The following LPIN2 variants were observed in gnomAD, a reference collection of about 807,000 sequenced individuals.
The protein encoded by LPIN2 is phosphatidate phosphatase LPIN2.
Under a neutral mutation model 111.4 loss-of-function variants are expected in LPIN2, and 55 were observed. The observed-to-expected ratio is 0.49, with a 90% CI of 0.40 to 0.62. The LOEUF is 0.62. LPIN2 is among the 20% of genes least tolerant of loss of function. The pLI is 0.00. For synonymous variants in LPIN2, 425 were observed against 414.0 expected, an observed-to-expected ratio of 1.03 and a Z score of -0.32; for missense variants, 992 against 1,112.1, an observed-to-expected ratio of 0.89 and a Z score of 1.54.
chr18:2,927,521 C>T (rs1396492693), intron 12 of LPIN2, among the ~76,000 whole-genome samples: 3 of 152,152 alleles, frequency 2.0e-5, no homozygotes, highest in Admixed American at 1.3e-4. Flanking sequence ...AATGGCAACT[C>T]GAACATCTCT....
At chr18:2,952,861 G>A (rs2077557754) in intron 3 of LPIN2, among the ~76,000 whole-genome samples, 1 of 152,176 alleles carries the variant, frequency 6.6e-6, no homozygotes, top group African/African-American at 2.4e-5. Flanking sequence ...GGAATACTGT[G>A]CAGCTATTAA....
intron 8 of LPIN2, 27 bp from the exon 9 acceptor site, chr18:2,931,470 G>A: frequency 6.4e-7 from 1 of 1,551,490 alleles, no homozygotes; most frequent in East Asian, 2.4e-5. Context: ...GGGAAAAGAT[G>A]TGCTTTATTA....
At chr18:2,968,703 G>A (rs991118523) in intron 1 of LPIN2, among the ~76,000 whole-genome samples, 2 of 152,156 alleles carry the variant, frequency 1.3e-5, no homozygotes, top group African/African-American at 4.8e-5. Flanking sequence ...CCCAGGCAGA[G>A]AGAACAGCTT....
At chr18:2,963,898 C>CT (rs1491514117) in intron 1 of LPIN2, among the ~76,000 whole-genome samples, 1 of 146,196 alleles carries the variant, frequency 6.8e-6, no homozygotes, top group African/African-American at 2.6e-5. Flanking sequence ...GGAAACAACT[C>CT]TTTTTTTGAA....
chr18:2,946,075 G>C, intron 4 of LPIN2: 1 of 1,491,604 alleles, frequency 6.7e-7, no homozygotes, highest in Non-Finnish European at 9.4e-7. Context: ...ATTCTTACAT[G>C]AGGTCCCAAT....
At chr18:2,950,293 AG>A (rs1289150476) in intron 4 of LPIN2, 1 of 152,314 alleles carries the variant, frequency 6.6e-6, no homozygotes, top group African/African-American at 2.4e-5. Flanking sequence ...ACTGTTTTCC[AG>A]GAAGTAGGGT....
At chr18:2,995,635 T>C (rs2078328946) in intron 1 of LPIN2, among the ~76,000 whole-genome samples, 1 of 152,206 alleles carries the variant, frequency 6.6e-6, no homozygotes, top group Non-Finnish European at 1.5e-5. Flanking sequence ...TGAGTGTCAA[T>C]ACCACATAGT....
At chr18:2,960,515 A>G in intron 2 of LPIN2, 134 bp downstream of exon 2, 1 of 152,470 alleles carries the variant, frequency 6.6e-6, no homozygotes, top group East Asian at 1.8e-4. Flanking sequence ...CATTCAGGTT[A>G]AAAAAAAAAA....
intron 1 of LPIN2, among the ~76,000 whole-genome samples, chr18:2,978,398 C>T (rs2078054327): frequency 6.6e-6 from 1 of 152,150 alleles, no homozygotes; most frequent in Non-Finnish European, 1.5e-5. Context: ...GTATGACTCA[C>T]TGAAAAGGAC....
At chr18:3,002,359 T>C (rs1679868147) in intron 1 of LPIN2, among the ~76,000 whole-genome samples, 2 of 151,856 alleles carry the variant, frequency 1.3e-5, no homozygotes, top group South Asian at 4.2e-4. Context: ...GTGTCCATTC[T>C]AATGAAAATC....
intron 4 of LPIN2, among the ~76,000 whole-genome samples, chr18:2,948,825 T>G (rs2077493532): frequency 6.6e-6 from 1 of 152,034 alleles, no homozygotes; most frequent in South Asian, 2.1e-4. Context: ...TTTTTTTTTT[T>G]TTTTTAAAGA....
At position 2,937,888 on chromosome 18, in the gene LPIN2, T is replaced by A. The variant is rs760406736; in HGVS notation, c.972A>T (p.Ile324=). 1 of 1,614,200 alleles carries A rather than the reference T, an allele frequency of 6.2e-7. No homozygotes were observed. Among genetic ancestry groups the A allele is most frequent in the South Asian group, 1.1e-5 (1 of 91,082 alleles). The change falls in exon 7 of 20, where the codon ATA becomes ATT. Residue 324 remains isoleucine, a synonymous_variant. Coordinates refer to ENST00000677752, the MANE Select transcript of LPIN2 (RefSeq NM_001375808.2). ...DASMEDTVCT[I]VKPKPRALGT... ...CCAGGGCTCTGGGTTTGGGCTTCAC[T>A]ATGGTACAGACAGTGTCTTCCATGG...
chr18:2,938,687 C>T (rs1001744673), intron 6 of LPIN2, among the ~76,000 whole-genome samples: 6 of 152,154 alleles, frequency 3.9e-5, no homozygotes, highest in Admixed American at 3.9e-4. Context: ...TCTGTTAAAA[C>T]AGTGTAAAAG....
At chr18:2,968,057 G>A (rs185052641) in intron 1 of LPIN2, among the ~76,000 whole-genome samples, 1 of 152,288 alleles carries the variant, frequency 6.6e-6, no homozygotes, top group Admixed American at 6.5e-5. Flanking sequence ...AGTGGAGAAA[G>A]AGCCCCAAAT....
At chr18:2,950,528 ACTG>A (rs1229000321) in intron 4 of LPIN2, 2 of 160,212 alleles carry the variant, frequency 1.2e-5, no homozygotes, top group Non-Finnish European at 2.8e-5. Flanking sequence ...TCTACTCCCA[ACTG>A]CTACCTTTCA....
chr18:2,953,036 T>C (rs561362836), intron 3 of LPIN2, among the ~76,000 whole-genome samples: 9 of 152,254 alleles, frequency 5.9e-5, no homozygotes, highest in Non-Finnish European at 1.2e-4. Flanking sequence ...CAGAGGCATG[T>C]TGTATTCATA....
chr18:2,996,777 A>G (rs1043387643), intron 1 of LPIN2, among the ~76,000 whole-genome samples: 2 of 151,942 alleles, frequency 1.3e-5, no homozygotes, highest in Non-Finnish European at 2.9e-5. Context: ...ACGCTCGACC[A>G]ATATCTTTAT....
intron 1 of LPIN2, among the ~76,000 whole-genome samples, chr18:2,986,721 A>C (rs1043194490): frequency 6.6e-6 from 1 of 152,186 alleles, no homozygotes; most frequent in African/African-American, 2.4e-5. Context: ...CAAATGTTTG[A>C]GGTCAAGCTT....
At chr18:2,932,722 A>G (rs1047816162) in intron 8 of LPIN2, among the ~76,000 whole-genome samples, 7 of 152,186 alleles carry the variant, frequency 4.6e-5, no homozygotes, top group South Asian at 2.1e-4. Flanking sequence ...GAAGGCATAC[A>G]TGGTGCCCCT....
Sources: gnomAD v4.1 joint callset for allele counts (sites outside exome capture counted in the v4.1 genomes callset) on GRCh38, gnomAD v4.1.1 for gene constraint, MANE v1.5 for transcripts, NCBI Gene and HGNC (gene_info 2026-07-23, HGNC 2026-07-21) for gene names.